The following NRG3 variants were observed in gnomAD, a reference collection of about 807,000 sequenced individuals.
NRG3 encodes neuregulin 3.
NRG3 carries 31 observed loss-of-function variants against 66.9 expected under a neutral mutation model. The ratio of observed to expected loss-of-function variants is 0.46; its 90% CI spans 0.35 to 0.63. The LOEUF (loss-of-function observed/expected upper bound fraction) is 0.63. Among genes scored for constraint, NRG3 ranks in the 20% least tolerant of loss-of-function variants. The probability of loss-of-function intolerance (pLI) is 0.00; values close to 1 mark genes in which losing one functional copy is unlikely to be tolerated. For synonymous variants in NRG3, 393 were observed against 359.4 expected, an observed-to-expected ratio of 1.09 and a Z score of -1.06; for missense variants, 910 against 878.9, an observed-to-expected ratio of 1.04 and a Z score of -0.45.
rs543378321 is a variant in NRG3 at position 81,938,985 on chromosome 10, C to G, written c.823+62822C>G. ...ATCATGAAAGGGTACTTAATTTTGT[C>G]AAATTCTTTTACTGTATCCATTGAG... On this transcript the variant is annotated intron_variant, in intron 1 of 8. Coordinates refer to ENST00000372141, the MANE Select transcript of NRG3 (RefSeq NM_001010848.4). Among the ~76,000 whole-genome samples, 8 of 151,994 alleles carry G rather than the reference C, an allele frequency of 5.3e-5. No homozygotes were observed. The South Asian group carries it at 1.2e-3, about 24-fold the overall frequency.
At chr10:82,342,352 T>C (rs1375480544) in intron 1 of NRG3, among the ~76,000 whole-genome samples, 3 of 152,104 alleles carry the variant, frequency 2.0e-5, no homozygotes, top group African/African-American at 7.2e-5. Context: ...CATACTGTTT[T>C]CCATAAAGGT....
intron 2 of NRG3, among the ~76,000 whole-genome samples, chr10:82,427,964 T>A (rs2089552218): frequency 6.6e-6 from 1 of 152,044 alleles, no homozygotes; most frequent in African/African-American, 2.4e-5. Context: ...AATTTGTCCA[T>A]TTCATTAAGA....
At chr10:82,187,868 T>A (rs1402510588) in intron 1 of NRG3, among the ~76,000 whole-genome samples, 3 of 152,122 alleles carry the variant, frequency 2.0e-5, no homozygotes, top group Non-Finnish European at 4.4e-5. Flanking sequence ...TCATCTAGAA[T>A]ACTATGTTCA....
chr10:82,967,139 A>T (rs1851287549), intron 6 of NRG3, among the ~76,000 whole-genome samples: 1 of 148,250 alleles, frequency 6.7e-6, no homozygotes. Context: ...CAAAGATTTT[A>T]TATATATATA....
chr10:82,878,600 C>A (rs1842034548), intron 4 of NRG3, among the ~76,000 whole-genome samples: 1 of 152,168 alleles, frequency 6.6e-6, no homozygotes, highest in Non-Finnish European at 1.5e-5. Context: ...GGACCTTGAA[C>A]TGGTCTTCGA....
intron 1 of NRG3, among the ~76,000 whole-genome samples, chr10:82,032,572 A>T (rs2062619864): frequency 6.6e-6 from 1 of 152,148 alleles, no homozygotes; most frequent in Non-Finnish European, 1.5e-5. Context: ...ACACCAGATC[A>T]GAATAATGAT....
intron 1 of NRG3, among the ~76,000 whole-genome samples, chr10:82,149,541 A>C (rs1158139371): frequency 6.6e-6 from 1 of 152,196 alleles, no homozygotes; most frequent in African/African-American, 2.4e-5. Flanking sequence ...GGATGTAGAA[A>C]AATCAATTAA....
intron 2 of NRG3, among the ~76,000 whole-genome samples, chr10:82,667,155 A>G (rs926009143): frequency 2.0e-5 from 3 of 152,208 alleles, no homozygotes; most frequent in African/African-American, 7.2e-5. Flanking sequence ...CTCTGAACTC[A>G]GGAGTGGTCA....
intron 2 of NRG3, among the ~76,000 whole-genome samples, chr10:82,721,111 CAG>C (rs1280743205): frequency 7.3e-6 from 1 of 137,098 alleles, no homozygotes; most frequent in Admixed American, 7.4e-5. Context: ...TATTTTGAAA[CAG>C]AGTTTCACCC....
chr10:82,708,036 A>C (rs1183373086), intron 2 of NRG3, among the ~76,000 whole-genome samples: 1 of 151,986 alleles, frequency 6.6e-6, no homozygotes, highest in African/African-American at 2.4e-5. Flanking sequence ...TTAAAAAATA[A>C]ATAAATACAT....
At chr10:82,003,563 G>A (rs2061257127) in intron 1 of NRG3, among the ~76,000 whole-genome samples, 1 of 152,152 alleles carries the variant, frequency 6.6e-6, no homozygotes. Context: ...GAAGCCAATA[G>A]ATTCATGCAT....
At chr10:81,958,482 C>T (rs1235492665) in intron 1 of NRG3, among the ~76,000 whole-genome samples, 3 of 152,184 alleles carry the variant, frequency 2.0e-5, no homozygotes, top group East Asian at 1.9e-4. Flanking sequence ...TTGAAACTGT[C>T]AAGGAATTTA....
At chr10:82,626,415 G>A (rs1171430809) in intron 2 of NRG3, among the ~76,000 whole-genome samples, 1 of 152,084 alleles carries the variant, frequency 6.6e-6, no homozygotes, top group Non-Finnish European at 1.5e-5. Flanking sequence ...CTTCCATACT[G>A]ACCATGAAGA....
intron 2 of NRG3, among the ~76,000 whole-genome samples, chr10:82,432,773 G>A (rs746322612): frequency 1.3e-5 from 2 of 152,220 alleles, no homozygotes; most frequent in Admixed American, 6.5e-5. Context: ...AGTGTCATCC[G>A]AGTCCCTGCA....
chr10:82,752,586 G>C (rs546474182), intron 3 of NRG3, among the ~76,000 whole-genome samples: 78 of 152,126 alleles, frequency 5.1e-4, no homozygotes, highest in African/African-American at 1.9e-3. Flanking sequence ...TCCATTCATT[G>C]CATATAGCAT....
At chr10:82,090,028 A>T (rs903800983) in intron 1 of NRG3, among the ~76,000 whole-genome samples, 1 of 152,212 alleles carries the variant, frequency 6.6e-6, no homozygotes, top group Non-Finnish European at 1.5e-5. Context: ...TTCTGACTTT[A>T]AAGCTTTCTG....
intron 1 of NRG3, among the ~76,000 whole-genome samples, chr10:81,988,750 G>A (rs949953028): frequency 6.6e-6 from 1 of 152,058 alleles, no homozygotes; most frequent in African/African-American, 2.4e-5. Context: ...ATAAGTGCTT[G>A]TTTTTATTAT....
Position 82,122,998 on chromosome 10 carries a change from T to C in NRG3, c.824-235741T>C, listed in dbSNP as rs1328404887. On this transcript the variant is annotated intron_variant, in intron 1 of 8. Transcript: ENST00000372141. The stretch of plus-strand genomic sequence containing the variant: ...ATAGATCCTAAGCCAAATATTACTT[T>C]GGCAGTGAAAAAAAAAAACACATAA... Among the ~76,000 whole-genome samples the C allele has an allele frequency of 5.4e-5, 5 of 92,938 alleles. No homozygotes were observed. The East Asian group carries it at 1.2e-3, about 23-fold the overall frequency. 61.0% of individuals were successfully genotyped at this position (92,938 alleles called of 152,430 possible). A position where few individuals can be genotyped will look rare whatever the true frequency, so the allele number is the denominator to read the frequency against.
intron 1 of NRG3, among the ~76,000 whole-genome samples, chr10:81,983,480 A>T (rs2060410039): frequency 6.6e-6 from 1 of 152,198 alleles, no homozygotes; most frequent in South Asian, 2.1e-4. Context: ...TTTGGAATGT[A>T]TTTTTGTGTG....
Sources: allele counts gnomAD v4.1 joint callset (sites outside exome capture counted in the v4.1 genomes callset), GRCh38; gene constraint gnomAD v4.1.1; transcripts MANE v1.5; gene names NCBI Gene and HGNC (gene_info 2026-07-23, HGNC 2026-07-21).